The following SLC35D4 variants were observed in gnomAD, a reference collection of about 807,000 sequenced individuals.
SLC35D4 encodes the protein solute carrier family 35 member D4.
chr18:23,242,255 G>A, the SLC35D4 span, among the ~76,000 whole-genome samples: 1 of 152,160 alleles, frequency 6.6e-6, no homozygotes, highest in African/African-American at 2.4e-5. Flanking sequence ...TCCAGCCTGG[G>A]TGACGAGAAT....
At chr18:23,437,921 CGCAGCA>C in the SLC35D4 span, 2 of 1,526,434 alleles carry the variant, frequency 1.3e-6, no homozygotes, top group Non-Finnish European at 1.8e-6. Flanking sequence ...GCCCGACCCC[CGCAGCA>C]GCAGCAGCGG....
chr18:23,297,982 T>C, the SLC35D4 span: 1 of 1,611,170 alleles, frequency 6.2e-7, no homozygotes, highest in Non-Finnish European at 8.5e-7. Flanking sequence ...CAGCAGCCTG[T>C]GAGTCTTTCT....
the SLC35D4 span, among the ~76,000 whole-genome samples, chr18:23,312,988 G>T: frequency 2.0e-5 from 3 of 151,804 alleles, no homozygotes; most frequent in Non-Finnish European, 4.4e-5. Flanking sequence ...TTAGCCAGGC[G>T]TGATGGCGGG....
At chr18:23,297,766 C>A in the SLC35D4 span, 1 of 483,102 alleles carries the variant, frequency 2.1e-6, no homozygotes. Flanking sequence ...ACAGACCGCT[C>A]CTCTGCAGTG....
At chr18:23,412,405 A>G in the SLC35D4 span, among the ~76,000 whole-genome samples, 2 of 152,200 alleles carry the variant, frequency 1.3e-5, no homozygotes, top group Admixed American at 6.5e-5. Flanking sequence ...TAAAGTCAGT[A>G]TTTTCTTTAA....
chr18:23,375,146 A>AAAT, the SLC35D4 span, among the ~76,000 whole-genome samples: 10 of 150,292 alleles, frequency 6.7e-5, no homozygotes, highest in Middle Eastern at 3.2e-3. Flanking sequence ...ATAAATAAAT[A>AAAT]AATAATAATA....
chr18:23,288,360 A>G, the SLC35D4 span, among the ~76,000 whole-genome samples: 1 of 152,296 alleles, frequency 6.6e-6, no homozygotes, highest in East Asian at 1.9e-4. Context: ...GTGGAAATCT[A>G]TCCTCAAGGA....
At chr18:23,309,780 A>G in the SLC35D4 span, 1 of 1,596,972 alleles carries the variant, frequency 6.3e-7, no homozygotes, top group Non-Finnish European at 8.6e-7. Flanking sequence ...TCATCATACC[A>G]GCAGGGCTCT....
At chr18:23,346,523 T>C in the SLC35D4 span, among the ~76,000 whole-genome samples, 1 of 152,172 alleles carries the variant, frequency 6.6e-6, no homozygotes, top group Non-Finnish European at 1.5e-5. Flanking sequence ...GATGCTTTTT[T>C]TTTTTTCCTA....
At chr18:23,257,550 C>T in the SLC35D4 span, 1 of 618,736 alleles carries the variant, frequency 1.6e-6, no homozygotes, top group Non-Finnish European at 2.6e-6. Context: ...CCAAGAGGAG[C>T]CATGAGCTAT....
chr18:23,282,130 G>A, the SLC35D4 span, among the ~76,000 whole-genome samples: 7 of 152,238 alleles, frequency 4.6e-5, no homozygotes, highest in Non-Finnish European at 1.0e-4. Flanking sequence ...GCGGCTCCCC[G>A]AGGCTCAATC....
chr18:23,283,471 C>CAAAAAAA, the SLC35D4 span, among the ~76,000 whole-genome samples: 12 of 44,398 alleles, frequency 2.7e-4, no homozygotes, highest in African/African-American at 4.4e-4. Flanking sequence ...GACCCAGTCT[C>CAAAAAAA]AAAAAAAAAA....
At chr18:23,313,408 G>T in the SLC35D4 span, among the ~76,000 whole-genome samples, 1 of 151,756 alleles carries the variant, frequency 6.6e-6, no homozygotes, top group Non-Finnish European at 1.5e-5. Flanking sequence ...AAAAAAAGGA[G>T]CCCCCTGTGA....
At chr18:23,283,386 A>ATCGCTTGAGCTGGGGAGGT in the SLC35D4 span, among the ~76,000 whole-genome samples, 2 of 142,620 alleles carry the variant, frequency 1.4e-5, no homozygotes, top group East Asian at 4.6e-4. Context: ...AGGTGGGAGG[A>ATCGCTTGAGCTGGGGAGGT]TCGCTTGAGC....
the SLC35D4 span, chr18:23,257,212 T>G: frequency 1.2e-6 from 2 of 1,603,578 alleles, no homozygotes; most frequent in Non-Finnish European, 1.7e-6. Context: ...GCTTTTGATT[T>G]TCTTTTTGTT....
At chr18:23,410,794 T>G in the SLC35D4 span, among the ~76,000 whole-genome samples, 4 of 152,096 alleles carry the variant, frequency 2.6e-5, no homozygotes, top group African/African-American at 9.7e-5. Context: ...TGAGACTCCA[T>G]CTCAAAAACA....
At chr18:23,325,043 G>A in the SLC35D4 span, among the ~76,000 whole-genome samples, 15 of 152,072 alleles carry the variant, frequency 9.9e-5, no homozygotes, top group African/African-American at 2.2e-4. Flanking sequence ...CCAAGAGAGC[G>A]TCTCCGAGCC....
the SLC35D4 span, among the ~76,000 whole-genome samples, chr18:23,374,705 G>A: frequency 9.9e-5 from 15 of 151,982 alleles, no homozygotes; most frequent in Non-Finnish European, 1.6e-4. Context: ...GGCCGGTCTC[G>A]AACTCCCGAC....
the SLC35D4 span, among the ~76,000 whole-genome samples, chr18:23,414,331 A>AAGGAAGGAAGGAAGGAAGGAAGGAAGGC: frequency 3.9e-4 from 55 of 140,540 alleles, no homozygotes; most frequent in Non-Finnish European, 4.8e-4. Flanking sequence ...GGAAGGAAGG[A>AAGGAAGGAAGGAAGGAAGGAAGGAAGGC]AGGCAGGCAG....
Sources: allele counts gnomAD v4.1 joint callset (sites outside exome capture counted in the v4.1 genomes callset), GRCh38; gene constraint gnomAD v4.1.1; transcripts MANE v1.5; gene names NCBI Gene and HGNC (gene_info 2026-07-23, HGNC 2026-07-21).